The following PEMT variants were observed in gnomAD, a reference collection of about 807,000 sequenced individuals.
The protein encoded by PEMT is phosphatidylethanolamine N-methyltransferase.
Under a neutral mutation model 27.4 loss-of-function variants are expected in PEMT, and 23 were observed. The observed-to-expected ratio is 0.84, with a 90% CI of 0.60 to 1.19. The LOEUF is 1.19. Ranked by LOEUF, PEMT falls within the 50% of genes most tolerant of loss-of-function variation. PEMT has a pLI of 0.00. For missense variants in PEMT, 307 were observed against 310.1 expected (o/e 0.99, Z 0.07); for synonymous variants, 137 against 139.1 (o/e 0.98, Z 0.11).
At position 17,589,291 on chromosome 17, in the gene PEMT, TAA is replaced by T. The variant is rs58495649; in HGVS notation, c.96+2238_96+2239del. 2.7e-3 allele frequency among the ~76,000 whole-genome samples: 378 copies of T among 141,534 alleles called. 3 individuals carry two copies. The highest frequency in any genetic ancestry group is 9.1e-3 in the African/African-American group (340 of 37,494). 92.9% of individuals were successfully genotyped at this position (141,534 alleles called of 152,430 possible). On this transcript the variant is annotated intron_variant, in intron 1 of 6. Coordinates refer to ENST00000255389, the MANE Select transcript of PEMT (RefSeq NM_148172.3). ...CAGCTGATTTTTTTTTTTTTTTTTT[TAA>T]AAACAAAAGCAAGATTCTGTACCTG...
At chr17:17,526,827 A>G (rs1907703250) in intron 2 of PEMT, among the ~76,000 whole-genome samples, 1 of 152,214 alleles carries the variant, frequency 6.6e-6, no homozygotes, top group African/African-American at 2.4e-5. Context: ...TTAAACACTC[A>G]GCGTTTTTCA....
At chr17:17,577,286 G>C in intron 1 of PEMT, 1 of 477,184 alleles carries the variant, frequency 2.1e-6, no homozygotes, top group Middle Eastern at 6.3e-4. Flanking sequence ...CTGAAGAGGG[G>C]TGCCTGGCAC....
intron 2 of PEMT, among the ~76,000 whole-genome samples, chr17:17,563,698 G>A (rs1369943095): frequency 2.6e-5 from 4 of 152,176 alleles, no homozygotes; most frequent in Non-Finnish European, 4.4e-5. Flanking sequence ...CCTGGAGCCC[G>A]GCTGTCCACA....
intron 2 of PEMT, among the ~76,000 whole-genome samples, chr17:17,556,105 G>A (rs1910033377): frequency 6.6e-6 from 1 of 152,240 alleles, no homozygotes; most frequent in African/African-American, 2.4e-5. Flanking sequence ...GTGGCTGGAT[G>A]GACGCCAGAG....
At chr17:17,530,271 G>A (rs1254454877) in intron 2 of PEMT, among the ~76,000 whole-genome samples, 11 of 152,158 alleles carry the variant, frequency 7.2e-5, no homozygotes, top group Non-Finnish European at 1.6e-4. Context: ...CGAGGCGGGC[G>A]GATCACCTGA....
intron 2 of PEMT, among the ~76,000 whole-genome samples, chr17:17,528,988 A>G (rs1907900543): frequency 6.6e-6 from 1 of 152,170 alleles, no homozygotes; most frequent in Non-Finnish European, 1.5e-5. Flanking sequence ...TGCTGTCCAC[A>G]CCGCGCATCC....
chr17:17,585,943 C>T (rs898477081), intron 1 of PEMT, among the ~76,000 whole-genome samples: 5 of 151,396 alleles, frequency 3.3e-5, no homozygotes, highest in Non-Finnish European at 7.4e-5. Context: ...ATTAGCTGGG[C>T]GTGGTGGCAG....
rs1201118094 is a variant in PEMT, at chr17:17,512,847, C to T, written c.321-193G>A. ...GGTGGGTGACAGTAACAGGGAGGGG[C>T]CCAGGCCTGTCAGATTTTTAAATTT... On this transcript the variant is annotated intron_variant, in intron 3 of 6. Coordinates refer to ENST00000255389, the MANE Select transcript of PEMT (RefSeq NM_148172.3). This position sits in a 1 kb window ranked among gnomAD's most constrained non-coding sequence, Gnocchi z 6.3. Among the ~76,000 whole-genome samples, 1 of 152,090 alleles carries T rather than the reference C, an allele frequency of 6.6e-6. No individual in the cohort carries two copies. Among genetic ancestry groups the T allele is most frequent in the Non-Finnish European group, 1.5e-5 (1 of 68,004 alleles).
chr17:17,569,139 A>G (rs1911023043), intron 2 of PEMT, among the ~76,000 whole-genome samples: 4 of 152,212 alleles, frequency 2.6e-5, no homozygotes, highest in African/African-American at 9.7e-5. Context: ...AAAGCAGGAA[A>G]GTCCCCGGCC....
chr17:17,591,827 AG>A, upstream of PEMT: 1 of 1,391,716 alleles, frequency 7.2e-7, no homozygotes, highest in Non-Finnish European at 9.3e-7. Flanking sequence ...CGTCTAGAGG[AG>A]CCGAGAACTA....
intron 1 of PEMT, among the ~76,000 whole-genome samples, chr17:17,579,267 A>G (rs1911835517): frequency 6.6e-6 from 1 of 152,212 alleles, no homozygotes; most frequent in Admixed American, 6.5e-5. Context: ...GTATAAAGCC[A>G]TCTTCTGCTA....
intron 2 of PEMT, among the ~76,000 whole-genome samples, chr17:17,550,085 A>T (rs1312747549): frequency 6.6e-6 from 1 of 152,198 alleles, no homozygotes. Flanking sequence ...GGGGATCAGC[A>T]GGGCTGGGCA....
At chr17:17,556,343 G>GCCTT (rs891203469) in intron 2 of PEMT, among the ~76,000 whole-genome samples, 2 of 151,594 alleles carry the variant, frequency 1.3e-5, no homozygotes, top group South Asian at 2.1e-4. Flanking sequence ...CTGCATGGGA[G>GCCTT]CCTTCCTTCC....
At chr17:17,540,662 CCCCTCT>C (rs1470045324) in intron 2 of PEMT, among the ~76,000 whole-genome samples, 1 of 152,166 alleles carries the variant, frequency 6.6e-6, no homozygotes, top group Non-Finnish European at 1.5e-5. Context: ...CCCCATGCTG[CCCCTCT>C]CCAACAGGGT....
chr17:17,574,268 G>A (rs1265433370), intron 2 of PEMT, among the ~76,000 whole-genome samples: 7 of 99,690 alleles, frequency 7.0e-5, no homozygotes, highest in East Asian at 2.6e-4. Flanking sequence ...AAAAAAAACC[G>A]TATGCCAAAC....
intron 4 of PEMT, among the ~76,000 whole-genome samples, chr17:17,511,350 C>T (rs902486218): frequency 2.0e-5 from 3 of 152,342 alleles, no homozygotes; most frequent in East Asian, 1.9e-4. Context: ...CCTGTGGGTG[C>T]CCCCCACAGT....
At chr17:17,527,908 GGCTAAATCT>G (rs994701516) in intron 2 of PEMT, among the ~76,000 whole-genome samples, 13 of 152,176 alleles carry the variant, frequency 8.5e-5, no homozygotes, top group African/African-American at 3.1e-4. Context: ...GTCCTTCCCT[GGCTAAATCT>G]GCCTAATACC....
intron 1 of PEMT, among the ~76,000 whole-genome samples, chr17:17,586,223 AG>A (rs1330285479): frequency 1.7e-5 from 1 of 58,234 alleles, no homozygotes; most frequent in African/African-American, 8.8e-5. Flanking sequence ...AGAAAAAGAA[AG>A]AAAGAAAGAA....
intron 2 of PEMT, among the ~76,000 whole-genome samples, chr17:17,534,819 T>C (rs891544750): frequency 5.3e-5 from 8 of 152,126 alleles, no homozygotes; most frequent in African/African-American, 1.9e-4. Context: ...CAAGACCCCA[T>C]CTCTAAAAAA....
Sources: allele counts gnomAD v4.1 joint callset (sites outside exome capture counted in the v4.1 genomes callset), GRCh38; gene constraint gnomAD v4.1.1; non-coding constraint Gnocchi (gnomAD v3.1); transcripts MANE v1.5; gene names NCBI Gene and HGNC (gene_info 2026-07-23, HGNC 2026-07-21).